The following SLC27A4 variants were observed in gnomAD, a reference collection of about 807,000 sequenced individuals.
SLC27A4 encodes solute carrier family 27 member 4.
SLC27A4 carries 33 observed loss-of-function variants against 64.4 expected under a neutral mutation model. The ratio of observed to expected loss-of-function variants is 0.51; its 90% CI spans 0.39 to 0.68. The LOEUF (loss-of-function observed/expected upper bound fraction) is 0.68. SLC27A4 is among the 30% of genes least tolerant of loss of function. The probability of loss-of-function intolerance (pLI) is 0.00; values close to 1 mark genes in which losing one functional copy is unlikely to be tolerated. For synonymous variants in SLC27A4, 377 were observed against 370.0 expected (o/e 1.02, Z -0.22); for missense variants, 824 against 883.5 (o/e 0.93, Z 0.85).
At chr9:128,348,490 C>A in intron 3 of SLC27A4, 55 bp from the exon 4 acceptor site, 2 of 1,605,426 alleles carry the variant, frequency 1.2e-6, no homozygotes, top group South Asian at 2.2e-5. Flanking sequence ...GAGCAGAGGT[C>A]CCTGGGAACA....
chr9:128,345,088 G>T lies in SLC27A4; in HGVS notation c.162-67G>T. 6.2e-7 allele frequency: 1 copy of T among 1,601,332 alleles called. No individual in the cohort carries two copies. Among genetic ancestry groups the T allele is most frequent in the Non-Finnish European group, 8.5e-7 (1 of 1,173,076 alleles). On this transcript the variant is annotated intron_variant, in intron 2 of 12. Coordinates refer to ENST00000300456, the MANE Select transcript of SLC27A4 (RefSeq NM_005094.4). This position sits in a 1 kb window ranked among gnomAD's most constrained non-coding sequence, Gnocchi z 4.1. ...ATAGGCTGGCGAGGCAGCAGCCTGG[G>T]GTAGGGTGTCAGGACCCCTCCCTCC...
chr9:128,354,414 G>A (rs143706058), intron 9 of SLC27A4, among the ~76,000 whole-genome samples: 113 of 152,286 alleles, frequency 7.4e-4, no homozygotes, highest in Non-Finnish European at 1.3e-3. Flanking sequence ...CATGGGGCTG[G>A]CCTGAGGATT....
chr9:128,360,947 T>C lies in SLC27A4; in HGVS notation c.*456T>C, dbSNP rs1205541095. The stretch of plus-strand genomic sequence containing the variant: ...TAGCCCCAGAGCTGCCCAAGTTCAC[T>C]GGGCTCCACCCCCACCTCCAGGAGG... On this transcript the variant is annotated 3_prime_UTR_variant, in exon 13 of 13. Coordinates refer to ENST00000300456, the MANE Select transcript of SLC27A4 (RefSeq NM_005094.4). 1.5e-5 allele frequency: 3 copies of C among 204,724 alleles called. No homozygotes were observed. In the Admixed American group the frequency reaches 1.6e-4, roughly 11 times the overall value. The allele number at this position is 204,724 out of a possible 1,614,324, so 12.7% of individuals were successfully genotyped here.
rs748034205 is a variant in SLC27A4 at position 128,345,312 on chromosome 9, C to G, written c.319C>G (p.Leu107Val). 3.1e-6 allele frequency: 5 copies of G among 1,613,764 alleles called. No homozygotes were observed. The highest frequency in any genetic ancestry group is 4.2e-6 in the Non-Finnish European group (5 of 1,180,026). The change falls in exon 3 of 13, where the codon CTG (leucine) becomes GTG (valine). Residue 107 changes from leucine to valine, a missense_variant. By Grantham distance (32) the Leu-to-Val change is conservative. Coordinates refer to ENST00000300456, the MANE Select transcript of SLC27A4 (RefSeq NM_005094.4). This position sits in a 1 kb window ranked among gnomAD's most constrained non-coding sequence, Gnocchi z 4.1. ...GTDTHWTFRQ[L>V]DEYSSSVANF... is the part of the protein sequence containing the mutation. Reference sequence around the variant, plus strand: ...AGATACCCACTGGACCTTCCGCCAGCTGGATGAGTACTCAAGCAGTGTAGC... The same window carrying G: ...AGATACCCACTGGACCTTCCGCCAGGTGGATGAGTACTCAAGCAGTGTAGC...
chr9:128,349,395 T>C (rs998213322), intron 4 of SLC27A4, among the ~76,000 whole-genome samples: 2 of 152,062 alleles, frequency 1.3e-5, no homozygotes, highest in African/African-American at 2.4e-5. Flanking sequence ...GCCATAAAAC[T>C]GGGGACAGTA....
At chr9:128,344,405 G>A (rs904891450) in intron 2 of SLC27A4, among the ~76,000 whole-genome samples, 5 of 152,104 alleles carry the variant, frequency 3.3e-5, no homozygotes, top group African/African-American at 9.7e-5. Flanking sequence ...TGTGGTTCCA[G>A]CTACTTGGGA....
intron 2 of SLC27A4, 100 bp downstream of exon 2, chr9:128,343,393 C>T (rs1431480171): frequency 4.2e-6 from 6 of 1,417,322 alleles, no homozygotes; most frequent in East Asian, 2.3e-5. Context: ...TCTACCAGCA[C>T]AGGGCAGCTG....
chr9:128,342,177 G>A (rs149718352), intron 1 of SLC27A4: 37 of 1,397,926 alleles, frequency 2.6e-5, no homozygotes, highest in African/African-American at 2.5e-4. Flanking sequence ...TGGCCACTGC[G>A]CAGACCAGAC....
chr9:128,341,193 G>C (rs543081257), intron 1 of SLC27A4, among the ~76,000 whole-genome samples: 105 of 152,332 alleles, frequency 6.9e-4, no homozygotes, highest in Non-Finnish European at 1.3e-3. Context: ...CTTTTCGCGA[G>C]GGGGAGGGGG....
Position 128,348,599 on chromosome 9 carries a change from G to A in SLC27A4, c.611G>A (p.Gly204Asp), listed in dbSNP as rs755205261. ...LDPSLSLFCS[G>D]SWEPGAVPPS... Reference sequence around the variant, plus strand: ...CCCTCGCTCAGCCTCTTCTGCTCTGGCTCCTGGGAGCCCGGTGCGGTGCCT... The same window carrying A: ...CCCTCGCTCAGCCTCTTCTGCTCTGACTCCTGGGAGCCCGGTGCGGTGCCT... Residue 204 changes from glycine (G) to aspartate (D), a missense_variant, in exon 4 of 13, where the codon GGC (glycine) becomes GAC (aspartate). Gly to Asp is a moderately conservative substitution (Grantham distance 94, BLOSUM62 -1). Coordinates refer to ENST00000300456, the MANE Select transcript of SLC27A4 (RefSeq NM_005094.4). 2.7e-5 allele frequency: 44 copies of A among 1,613,536 alleles called. 1 individual carries two copies. In the Admixed American group the frequency reaches 4.2e-4, roughly 15 times the overall value.
chr9:128,348,483 C>G, intron 3 of SLC27A4, 62 bp from the exon 4 acceptor site: 1 of 1,598,554 alleles, frequency 6.3e-7, no homozygotes. Context: ...CTGCTGGGAG[C>G]AGAGGTCCCT....
rs17848327 is a variant in SLC27A4, at chr9:128,350,297, G to A, written c.716-15G>A. The A allele has an allele frequency of 3.8e-3, 6,181 of 1,612,074 alleles. 244 individuals carry two copies. In the East Asian group the frequency reaches 0.094, roughly 25 times the overall value. On this transcript the variant is annotated splice_polypyrimidine_tract_variant and intron_variant, in intron 4 of 12. Transcript: ENST00000300456. ...TGAGCTGCCCCCGACAGCCACTCGC[G>A]TCTGTTTTCTTTAGATAAACTGTTC...
Position 128,342,188 on chromosome 9 carries a change from T to A in SLC27A4, c.-6-939T>A, listed in dbSNP as rs1045955281. The A allele has an allele frequency of 2.0e-6, 3 of 1,521,342 alleles. No individual in the cohort carries two copies. The African/African-American group carries it at 4.1e-5, about 21-fold the overall frequency. The allele number at this position is 1,521,342 out of a possible 1,614,324, so 94.2% of individuals were successfully genotyped here. On this transcript the variant is annotated intron_variant, in intron 1 of 12. Coordinates refer to ENST00000300456, the MANE Select transcript of SLC27A4 (RefSeq NM_005094.4). ...GTGGTGGCCACTGCGCAGACCAGAC[T>A]TCGCTCGTTCTCGCATGCCTCGCTC... is the stretch of plus-strand genomic sequence containing the variant.
At chr9:128,342,210 G>A (rs560714441) in intron 1 of SLC27A4, 11 of 1,593,126 alleles carry the variant, frequency 6.9e-6, no homozygotes, top group East Asian at 2.2e-5. Flanking sequence ...CGCATGCCTC[G>A]CTCCGCTTTT....
chr9:128,355,367 C>T (rs1832801770), intron 10 of SLC27A4, 31 bp from the exon 11 acceptor site: 18 of 1,612,374 alleles, frequency 1.1e-5, no homozygotes, highest in Middle Eastern at 1.7e-4. Context: ...GCTGGCCAGG[C>T]CCAGCCCTGC....
chr9:128,343,436 C>T (rs1291218178), intron 2 of SLC27A4, 143 bp downstream of exon 2: 4 of 910,714 alleles, frequency 4.4e-6, no homozygotes, highest in Non-Finnish European at 5.2e-6. Flanking sequence ...CTCTGCTCCA[C>T]ACCCGTACCC....
Position 128,360,402 on chromosome 9 carries a change from C to A in SLC27A4, c.1843C>A (p.Leu615Met). The A allele has an allele frequency of 6.2e-7, 1 of 1,614,170 alleles. No individual in the cohort carries two copies. The highest frequency in any genetic ancestry group is 8.5e-7 in the Non-Finnish European group (1 of 1,180,016). The part of the protein sequence containing the change: ...GFDPAIVKDP[L>M]FYLDAQKGRY... Reference sequence around the variant, plus strand: ...TGACCCGGCTATTGTGAAAGACCCGCTGTTCTATCTAGATGCCCAGAAGGG... The same window carrying A: ...TGACCCGGCTATTGTGAAAGACCCGATGTTCTATCTAGATGCCCAGAAGGG... The change falls in exon 13 of 13, where the codon CTG becomes ATG. Residue 615 changes from leucine to methionine, a missense_variant. By Grantham distance (15) the Leu-to-Met change is conservative. Coordinates refer to ENST00000300456, the MANE Select transcript of SLC27A4 (RefSeq NM_005094.4).
intron 4 of SLC27A4, among the ~76,000 whole-genome samples, chr9:128,348,979 T>C (rs187564055): frequency 6.7e-6 from 1 of 149,796 alleles, no homozygotes; most frequent in African/African-American, 2.5e-5. Flanking sequence ...CAAGCCTTCA[T>C]TGATGCCTAA....
rs1180852845 is a variant in SLC27A4, at chr9:128,355,190, G to C, written c.1462G>C (p.Gly488Arg). Reference protein sequence around the residue: ...FKKGDQAYLTGDVLVMDELGY... With the variant: ...FKKGDQAYLTRDVLVMDELGY... ...GAAGGGGGACCAGGCCTACCTTACT[G>C]GTGGGTCCCCAGCCCTTCACAGCCC... is the stretch of plus-strand genomic sequence containing the variant. Residue 488 changes from glycine (G) to arginine (R), a missense_variant and splice_region_variant, in exon 10 of 13, where the codon GGT becomes CGT. Physicochemically the swap from Gly to Arg is moderately radical, Grantham distance 125. Coordinates refer to ENST00000300456, the MANE Select transcript of SLC27A4 (RefSeq NM_005094.4). The C allele has an allele frequency of 6.2e-7, 1 of 1,613,546 alleles. No individual in the cohort carries two copies. Among genetic ancestry groups the C allele is most frequent in the African/African-American group, 1.3e-5 (1 of 75,058 alleles).
Sources: gnomAD v4.1 joint callset for allele counts (sites outside exome capture counted in the v4.1 genomes callset) on GRCh38, gnomAD v4.1.1 for gene constraint, Gnocchi (gnomAD v3.1) non-coding constraint, MANE v1.5 for transcripts, NCBI Gene and HGNC (gene_info 2026-07-23, HGNC 2026-07-21) for gene names.